TGFBR3: variants seen among roughly 807,000 people sequenced by gnomAD.
TGFBR3 encodes the protein transforming growth factor beta receptor 3.
A neutral mutation model predicts 87.9 loss-of-function variants in TGFBR3; 46 were observed. The observed-to-expected ratio is 0.52, with a 90% CI of 0.41 to 0.67. TGFBR3 has a LOEUF of 0.67. TGFBR3 is among the 30% of genes least tolerant of loss of function. TGFBR3 has a pLI of 0.00. For missense variants in TGFBR3, 866 were observed against 1,041.9 expected, an observed-to-expected ratio of 0.83 and a Z score of 2.32; for synonymous variants, 381 against 391.6, an observed-to-expected ratio of 0.97 and a Z score of 0.32.
chr1:91,749,969 A>G (rs1306082667), intron 4 of TGFBR3, among the ~76,000 whole-genome samples: 1 of 152,222 alleles, frequency 6.6e-6, no homozygotes, highest in Non-Finnish European at 1.5e-5. Context: ...TCTGATTACC[A>G]GATTAGCCTT....
At chr1:91,726,911 T>C (rs1367266024) in intron 7 of TGFBR3, among the ~76,000 whole-genome samples, 3 of 151,770 alleles carry the variant, frequency 2.0e-5, no homozygotes, top group Non-Finnish European at 2.9e-5. Context: ...TTCAGTCAAA[T>C]AGTTATTGCC....
At chr1:91,772,146 C>T (rs530702697) in intron 3 of TGFBR3, among the ~76,000 whole-genome samples, 22 of 152,270 alleles carry the variant, frequency 1.4e-4, no homozygotes, top group African/African-American at 4.8e-4. Flanking sequence ...TAATGAAAGA[C>T]GATCATTTGC....
At chr1:91,860,311 T>A in intron 2 of TGFBR3, among the ~76,000 whole-genome samples, 1 of 152,346 alleles carries the variant, frequency 6.6e-6, no homozygotes, top group East Asian at 1.9e-4. Flanking sequence ...GCCCACTCAA[T>A]AGATGATCAT....
intron 2 of TGFBR3, among the ~76,000 whole-genome samples, chr1:91,858,404 C>G (rs144944489): frequency 8.4e-4 from 127 of 152,022 alleles, no homozygotes; most frequent in African/African-American, 2.7e-3. Flanking sequence ...TGCCTGAGCT[C>G]AGGAGTTCAC....
At chr1:91,700,420 G>C (rs1378476774) in intron 14 of TGFBR3, among the ~76,000 whole-genome samples, 1 of 152,168 alleles carries the variant, frequency 6.6e-6, no homozygotes, top group African/African-American at 2.4e-5. Flanking sequence ...AAACAGAATT[G>C]TAAATTCTCA....
At chr1:91,856,357 C>T (rs762782633) in intron 2 of TGFBR3, among the ~76,000 whole-genome samples, 3 of 152,134 alleles carry the variant, frequency 2.0e-5, no homozygotes, top group Admixed American at 6.5e-5. Flanking sequence ...TGAGCCACCA[C>T]GCCCAGCCGA....
intron 2 of TGFBR3, among the ~76,000 whole-genome samples, chr1:91,818,730 GCTTT>G (rs980683687): frequency 6.6e-6 from 1 of 152,158 alleles, no homozygotes; most frequent in African/African-American, 2.4e-5. Flanking sequence ...CCACGTTTGT[GCTTT>G]CTGTTATACA....
chr1:91,902,351 T>C (rs1679742316), intron 1 of TGFBR3, among the ~76,000 whole-genome samples: 1 of 151,794 alleles, frequency 6.6e-6, no homozygotes, highest in South Asian at 2.1e-4. Flanking sequence ...TGATCATAGC[T>C]CACTGCAGCC....
chr1:91,758,900 G>A, intron 3 of TGFBR3, 150 bp from the exon 4 acceptor site: 1 of 1,020,160 alleles, frequency 9.8e-7, no homozygotes, highest in Non-Finnish European at 1.5e-6. Flanking sequence ...GATACATTAA[G>A]TTGAACCAGA....
chr1:91,786,451 G>A (rs1186754458), intron 3 of TGFBR3, among the ~76,000 whole-genome samples: 1 of 152,022 alleles, frequency 6.6e-6, no homozygotes, highest in African/African-American at 2.4e-5. Flanking sequence ...CAAATATAGG[G>A]TTTAAAGAGA....
intron 3 of TGFBR3, among the ~76,000 whole-genome samples, chr1:91,766,821 A>T (rs1206422583): frequency 1.5e-5 from 2 of 133,156 alleles, no homozygotes; most frequent in African/African-American, 2.8e-5. Context: ...CTGAATTCCA[A>T]CGGGACAGCT....
intron 6 of TGFBR3, 159 bp from the exon 7 acceptor site, chr1:91,727,965 C>T (rs972217902): frequency 8.1e-6 from 6 of 741,034 alleles, no homozygotes; most frequent in African/African-American, 7.1e-5. Flanking sequence ...ATTGTTACTG[C>T]ACACATAACA....
intron 6 of TGFBR3, among the ~76,000 whole-genome samples, chr1:91,728,809 AAGTCACT>A (rs1364393757): frequency 1.3e-5 from 2 of 152,152 alleles, no homozygotes; most frequent in Non-Finnish European, 2.9e-5. Flanking sequence ...TTAAATTTTC[AAGTCACT>A]AGTCCAGATG....
intron 6 of TGFBR3, among the ~76,000 whole-genome samples, chr1:91,729,050 A>ACG (rs1463487468): frequency 9.7e-4 from 110 of 113,396 alleles, no homozygotes; most frequent in Admixed American, 1.3e-3. Flanking sequence ...ACACACACAC[A>ACG]CACACACACA....
intron 1 of TGFBR3, among the ~76,000 whole-genome samples, chr1:91,882,535 G>A (rs374911875): frequency 2.6e-5 from 4 of 151,964 alleles, no homozygotes; most frequent in African/African-American, 7.2e-5. Flanking sequence ...ACAAGGTCAG[G>A]AGATCGAGAC....
intron 7 of TGFBR3, among the ~76,000 whole-genome samples, chr1:91,723,771 C>T (rs1257972691): frequency 6.6e-6 from 1 of 152,188 alleles, no homozygotes; most frequent in Non-Finnish European, 1.5e-5. Flanking sequence ...ATGCAGATTA[C>T]ACCATTTTCG....
chr1:91,862,430 T>C, intron 1 of TGFBR3, among the ~76,000 whole-genome samples: 1 of 152,176 alleles, frequency 6.6e-6, no homozygotes, highest in Non-Finnish European at 1.5e-5. Flanking sequence ...AAAGGCAAGG[T>C]TCTTATTTCA....
At chr1:91,789,950 T>C (rs1675127736) in intron 3 of TGFBR3, among the ~76,000 whole-genome samples, 3 of 152,318 alleles carry the variant, frequency 2.0e-5, no homozygotes, top group Admixed American at 2.0e-4. Flanking sequence ...AATATGAGTG[T>C]CCTATTCATT....
chr1:91,722,842 T>C (rs1672417045), intron 7 of TGFBR3, among the ~76,000 whole-genome samples: 3 of 152,190 alleles, frequency 2.0e-5, no homozygotes, highest in African/African-American at 7.2e-5. Context: ...TATTTGTGCA[T>C]CTAAACATAG....
Sources: allele counts gnomAD v4.1 joint callset (sites outside exome capture counted in the v4.1 genomes callset), GRCh38; gene constraint gnomAD v4.1.1; transcripts MANE v1.5; gene names NCBI Gene and HGNC (gene_info 2026-07-23, HGNC 2026-07-21).